Variants in AGPAT5 observed in about 807,000 individuals in gnomAD.
AGPAT5 encodes the protein 1-acylglycerol-3-phosphate O-acyltransferase 5, also known as 1-acyl-sn-glycerol-3-phosphate acyltransferase epsilon.
Under a neutral mutation model 45.6 loss-of-function variants are expected in AGPAT5, and 46 were observed. The observed-to-expected ratio is 1.01, with a 90% confidence interval of 0.80 to 1.29. The LOEUF (loss-of-function observed/expected upper bound fraction) is 1.29, where lower values mean the gene tolerates loss of function less well. AGPAT5 is among the 50% of genes most tolerant of loss of function. AGPAT5 has a pLI of 0.00. For synonymous variants in AGPAT5, 272 were observed against 167.0 expected (o/e 1.63, Z -4.85); for missense variants, 673 against 450.7 (o/e 1.49, Z -4.47).
intron 4 of AGPAT5, among the ~76,000 whole-genome samples, chr8:6,737,517 A>G (rs1161530067): frequency 1.3e-5 from 2 of 152,230 alleles, no homozygotes; most frequent in Admixed American, 1.3e-4. Flanking sequence ...CTGGGACAAT[A>G]CAGTATTTTC....
In AGPAT5 at chr8:6,736,264, T is replaced by C. The variant is rs114563363; in HGVS notation, c.495+3614T>C. Among the ~76,000 whole-genome samples, 418 of 152,368 alleles carry C rather than the reference T, an allele frequency of 2.7e-3. 2 individuals carry two copies. The highest frequency in any genetic ancestry group is 9.8e-3 in the African/African-American group (408 of 41,590). Reference sequence around the variant, plus strand: ...CACTATTAATTGTACTACAGATTTTTATTCAGACTTTACCAGGTTTTCCAC... The same window carrying C: ...CACTATTAATTGTACTACAGATTTTCATTCAGACTTTACCAGGTTTTCCAC... On this transcript the variant is annotated intron_variant, in intron 4 of 7. Coordinates refer to ENST00000285518, the MANE Select transcript of AGPAT5 (RefSeq NM_018361.5).
chr8:6,730,772 C>T lies in AGPAT5; in HGVS notation c.351C>T (p.Tyr117=), dbSNP rs367702364. Residue 117 remains tyrosine, a synonymous_variant, in exon 3 of 8, where the codon TAC becomes TAT. Transcript: ENST00000285518. ...IRQNALGHVR[Y]VLKEGLKWLP... The stretch of plus-strand genomic sequence containing the variant: ...AGAATGCGCTAGGACATGTGCGCTA[C>T]GTGCTGAAAGAAGGGTTAAAATGGC... 1.1e-5 allele frequency: 17 copies of T among 1,613,400 alleles called. No individual in the cohort carries two copies. The highest frequency in any genetic ancestry group is 1.4e-5 in the Non-Finnish European group (16 of 1,179,616).
Position 6,719,814 on chromosome 8 carries a change from T to A in AGPAT5, c.220-5056T>A, listed in dbSNP as rs1231013737. Among the ~76,000 whole-genome samples, 4 of 152,210 alleles carry A rather than the reference T, an allele frequency of 2.6e-5. No homozygotes were observed. The East Asian group carries it at 5.8e-4, about 22-fold the overall frequency. Reference sequence around the variant, plus strand: ...CTCCTAATGGTGGTATTCTACATGATAATCATGTTCTAATCCGAGTGAACC... The same window carrying A: ...CTCCTAATGGTGGTATTCTACATGAAAATCATGTTCTAATCCGAGTGAACC... On this transcript the variant is annotated intron_variant, in intron 1 of 7. Coordinates refer to ENST00000285518, the MANE Select transcript of AGPAT5 (RefSeq NM_018361.5).
At chr8:6,711,384 A>G (rs1800151300) in intron 1 of AGPAT5, among the ~76,000 whole-genome samples, 1 of 152,218 alleles carries the variant, frequency 6.6e-6, no homozygotes, top group African/African-American at 2.4e-5. Flanking sequence ...TGCTGCTAAA[A>G]TTGTTCCTTA....
In AGPAT5 at chr8:6,761,334, T is replaced by TC. The variant is rs1465946097; in HGVS notation, c.*3947dup. Among the ~76,000 whole-genome samples, 40 of 150,532 alleles carry TC rather than the reference T, an allele frequency of 2.7e-4. 1 individual carries two copies. Among genetic ancestry groups the TC allele is most frequent in the African/African-American group, 8.5e-4 (34 of 39,890 alleles). ...TTCTGCAATTTTATAAATGTTCATG[T>TC]CTTTTTTTAAAAAAGGTGCTATTGA... On this transcript the variant is annotated 3_prime_UTR_variant, in exon 8 of 8. Transcript: ENST00000285518.
chr8:6,744,061 A>G (rs536832980), intron 5 of AGPAT5, among the ~76,000 whole-genome samples: 60 of 152,256 alleles, frequency 3.9e-4, no homozygotes, highest in African/African-American at 1.4e-3. Flanking sequence ...CATCATATGA[A>G]CAAATTTAGT....
At position 6,756,133 on chromosome 8, in the gene AGPAT5, C is replaced by T. The variant is rs146875134; in HGVS notation, c.869+959C>T. The stretch of plus-strand genomic sequence containing the variant: ...CTGTTTGTGTTTTAGATTATTATAT[C>T]GGGTATGTTCTGCTATCATAACTTT... On this transcript the variant is annotated intron_variant, in intron 7 of 7. Coordinates refer to ENST00000285518, the MANE Select transcript of AGPAT5 (RefSeq NM_018361.5). Among the ~76,000 whole-genome samples, 1,321 of 152,194 alleles carry T rather than the reference C, an allele frequency of 8.7e-3. 63 individuals carry two copies. Among genetic ancestry groups the T allele is most frequent in the Admixed American group, 0.081 (1,235 of 15,286 alleles).
In AGPAT5 at chr8:6,733,140, A is replaced by T. The variant is rs1054164402; in HGVS notation, c.495+490A>T. On this transcript the variant is annotated intron_variant, in intron 4 of 7. Coordinates refer to ENST00000285518, the MANE Select transcript of AGPAT5 (RefSeq NM_018361.5). ...ATATTTTATAAAACTTTATTCCACA[A>T]AAGTGGGGAGAGTTCAATCTGCTTT... is the stretch of plus-strand genomic sequence containing the variant. 4.6e-5 allele frequency among the ~76,000 whole-genome samples: 7 copies of T among 152,370 alleles called. No homozygotes were observed. The South Asian group carries it at 1.0e-3, about 23-fold the overall frequency.
intron 5 of AGPAT5, chr8:6,745,154 T>A (rs1801395440): frequency 1.3e-5 from 2 of 153,642 alleles, no homozygotes; most frequent in South Asian, 4.1e-4. Context: ...TGACTTGGAT[T>A]TCTTTGGAAG....
intron 1 of AGPAT5, among the ~76,000 whole-genome samples, chr8:6,721,179 A>G (rs1340379329): frequency 1.3e-5 from 2 of 152,228 alleles, no homozygotes; most frequent in Non-Finnish European, 2.9e-5. Context: ...GGGTAGAAAA[A>G]GACTAGTTTT....
chr8:6,708,842 C>T lies in AGPAT5; in HGVS notation c.174C>T (p.Tyr58=). The T allele has an allele frequency of 6.2e-7, 1 of 1,611,562 alleles. No individual in the cohort carries two copies. Among genetic ancestry groups the T allele is most frequent in the Non-Finnish European group, 8.5e-7 (1 of 1,179,592 alleles). The change falls in exon 1 of 8, where the codon TAC becomes TAT. Residue 58 remains tyrosine, a synonymous_variant. Coordinates refer to ENST00000285518, the MANE Select transcript of AGPAT5 (RefSeq NM_018361.5). ...TGGACGACCGGCTCTACTGCGTCTA[C>T]CAGAGCATGGTGCTCTTCTTCTTCG... ...QALDDRLYCV[Y]QSMVLFFFEN...
intron 6 of AGPAT5, among the ~76,000 whole-genome samples, chr8:6,754,482 C>T (rs754475075): frequency 2.0e-5 from 3 of 152,106 alleles, no homozygotes; most frequent in Admixed American, 6.5e-5. Context: ...CAGTCAGTGA[C>T]GAGAAGCTGT....
At chr8:6,752,430 C>G (rs1801686154) in intron 6 of AGPAT5, among the ~76,000 whole-genome samples, 3 of 152,190 alleles carry the variant, frequency 2.0e-5, no homozygotes, top group South Asian at 4.1e-4. Flanking sequence ...GTGTTATAAA[C>G]AGCTGTACAT....
intron 1 of AGPAT5, among the ~76,000 whole-genome samples, chr8:6,710,357 A>G (rs984031621): frequency 1.1e-4 from 17 of 152,298 alleles, no homozygotes; most frequent in Admixed American, 9.8e-4. Flanking sequence ...TAATCTAATC[A>G]TTCCCCCCAC....
chr8:6,715,699 T>C lies in AGPAT5; in HGVS notation c.219+6812T>C, dbSNP rs555593638. ...ACCCCCTACTTTCAAGGTATTCATC[T>C]AGGAAAGACATGAACTGCCAATTAC... On this transcript the variant is annotated intron_variant, in intron 1 of 7. Coordinates refer to ENST00000285518, the MANE Select transcript of AGPAT5 (RefSeq NM_018361.5). Among the ~76,000 whole-genome samples, 9 of 152,302 alleles carry C rather than the reference T, an allele frequency of 5.9e-5. No individual in the cohort carries two copies. The South Asian group carries it at 1.9e-3, about 32-fold the overall frequency.
chr8:6,757,085 A>C (rs10102758), intron 7 of AGPAT5, 78 bp from the exon 8 acceptor site: 3 of 1,097,578 alleles, frequency 2.7e-6, no homozygotes, highest in East Asian at 2.6e-5. Context: ...TCCAGCGTGT[A>C]ATAGCTACCT....
intron 5 of AGPAT5, 97 bp from the exon 6 acceptor site, chr8:6,747,573 G>A: frequency 2.7e-6 from 3 of 1,131,068 alleles, no homozygotes; most frequent in Non-Finnish European, 3.8e-6. Flanking sequence ...ATTCTGTTGT[G>A]TGTGTTTGAG....
chr8:6,759,977 C>T lies in AGPAT5; in HGVS notation c.*2589C>T, dbSNP rs1291945812. ...TAAGTTGGTGAATAAAAGTGCCGATCTGGCTAACTCTTACACCATACATAC... is the reference window on the plus strand; with the variant it reads ...TAAGTTGGTGAATAAAAGTGCCGATTTGGCTAACTCTTACACCATACATAC... On this transcript the variant is annotated 3_prime_UTR_variant, in exon 8 of 8. Coordinates refer to ENST00000285518, the MANE Select transcript of AGPAT5 (RefSeq NM_018361.5). 6.6e-6 allele frequency among the ~76,000 whole-genome samples: 1 copy of T among 152,228 alleles called. No individual in the cohort carries two copies. The highest frequency in any genetic ancestry group is 1.9e-4 in the East Asian group (1 of 5,208).
chr8:6,751,691 A>G (rs149896333), intron 6 of AGPAT5, among the ~76,000 whole-genome samples: 11 of 152,152 alleles, frequency 7.2e-5, no homozygotes, highest in African/African-American at 2.7e-4. Flanking sequence ...GAGACGAAAC[A>G]GTGTAGTTTG....
Sources: gnomAD v4.1 joint callset for allele counts (sites outside exome capture counted in the v4.1 genomes callset) on GRCh38, gnomAD v4.1.1 for gene constraint, MANE v1.5 for transcripts, NCBI Gene and HGNC (gene_info 2026-07-23, HGNC 2026-07-21) for gene names.